The following PLEKHG4B variants were observed in gnomAD, a reference collection of about 807,000 sequenced individuals.
The protein encoded by PLEKHG4B is pleckstrin homology and RhoGEF domain containing G4B, also known as pleckstrin homology domain-containing family G member 4B.
Under a neutral mutation model 121.3 loss-of-function variants are expected in PLEKHG4B, and 111 were observed. That is an observed-to-expected ratio of 0.92 (90% CI 0.78 to 1.07). The LOEUF (loss-of-function observed/expected upper bound fraction) is 1.07. PLEKHG4B is among the 50% of genes least tolerant of loss of function. PLEKHG4B has a pLI of 0.00. For synonymous variants in PLEKHG4B, 738 were observed against 725.0 expected (o/e 1.02, Z -0.29); for missense variants, 1,831 against 1,757.8 (o/e 1.04, Z -0.74).
Position 171,244 on chromosome 5 carries a change from G to C in PLEKHG4B, c.3850G>C (p.Asp1284His). The C allele has an allele frequency of 6.2e-7, 1 of 1,607,708 alleles. No homozygotes were observed. Among genetic ancestry groups the C allele is most frequent in the Non-Finnish European group, 8.5e-7 (1 of 1,176,372 alleles). ...GCAGCGGGAGCTAGGTGACAAAATG[G>C]ACCTGGCCTCCTACCTGCTGCGGCC... The part of the protein sequence containing the change: ...DKQRELGDKM[D>H]LASYLLRPVQ... Residue 1284 changes from aspartate to histidine, a missense_variant, in exon 16 of 20, where the codon GAC becomes CAC. Physicochemically the swap from Asp to His is moderately conservative, Grantham distance 81. Coordinates refer to ENST00000637938, the MANE Select transcript of PLEKHG4B (RefSeq NM_052909.5).
intron 5 of PLEKHG4B, chr5:144,222 A>T (rs1242180488): frequency 6.6e-6 from 1 of 152,484 alleles, no homozygotes; most frequent in Non-Finnish European, 1.5e-5. Flanking sequence ...TGTAAAATGA[A>T]TATATCAACT....
intron 11 of PLEKHG4B, 24 bp from the exon 12 acceptor site, chr5:161,759 T>G (rs1455756968): frequency 6.2e-7 from 1 of 1,613,244 alleles, no homozygotes; most frequent in Non-Finnish European, 8.5e-7. Flanking sequence ...GGGCTTGTAC[T>G]GATGCTTTGT....
Position 155,390 on chromosome 5 carries a change from C to T in PLEKHG4B, c.2155C>T (p.Leu719=), listed in dbSNP as rs1287966775. ...AANCEEAIIF[L]QNSFCSLNTH... Reference sequence around the variant, plus strand: ...AAACTGTGAAGAAGCCATCATTTTCCTACAGAATTCATTCTGCTCCCTGAA... The same window carrying T: ...AAACTGTGAAGAAGCCATCATTTTCTTACAGAATTCATTCTGCTCCCTGAA... The change falls in exon 9 of 20, where the codon CTA becomes TTA. Residue 719 remains leucine (L), a synonymous_variant. Transcript: ENST00000637938. 6.2e-7 allele frequency: 1 copy of T among 1,614,238 alleles called. No homozygotes were observed. Among genetic ancestry groups the T allele is most frequent in the Non-Finnish European group, 8.5e-7 (1 of 1,180,044 alleles).
rs2126426745 is a variant in PLEKHG4B at position 156,850 on chromosome 5, A to G, written c.2426A>G (p.Asn809Ser). ...CACAGGCTGGTCCTCACCTCGAACA[A>G]TCGTCTCCAGCAGCTGGAGCACCTC... ...EVHRLVLTSN[N>S]RLQQLEHLRE... Residue 809 changes from asparagine to serine, a missense_variant, in exon 11 of 20, where the codon AAT (asparagine) becomes AGT (serine). Asn to Ser is a conservative substitution (Grantham distance 46). Transcript: ENST00000637938. This position sits in a 1 kb window ranked among gnomAD's most constrained non-coding sequence, Gnocchi z 4.4. 1 of 1,606,664 alleles carries G rather than the reference A, an allele frequency of 6.2e-7. No homozygotes were observed. The highest frequency in any genetic ancestry group is 1.3e-5 in the African/African-American group (1 of 74,852).
At chr5:134,963 G>T (rs1374337187) in intron 2 of PLEKHG4B, among the ~76,000 whole-genome samples, 1 of 151,902 alleles carries the variant, frequency 6.6e-6, no homozygotes, top group Non-Finnish European at 1.5e-5. Flanking sequence ...GCCAAGGCAG[G>T]CGGATCACCA....
At chr5:160,832 G>A in intron 11 of PLEKHG4B, among the ~76,000 whole-genome samples, 1 of 152,164 alleles carries the variant, frequency 6.6e-6, no homozygotes, top group Non-Finnish European at 1.5e-5. Flanking sequence ...CCCCCACTCT[G>A]CTCTGCCGAA....
chr5:135,443 A>G (rs548985276), intron 2 of PLEKHG4B, among the ~76,000 whole-genome samples: 1 of 150,006 alleles, frequency 6.7e-6, no homozygotes, highest in South Asian at 2.1e-4. Context: ...GAGGTGGCGG[A>G]TCATGAGGTC....
intron 14 of PLEKHG4B, among the ~76,000 whole-genome samples, chr5:170,389 G>A (rs1367417370): frequency 6.6e-6 from 1 of 151,772 alleles, no homozygotes; most frequent in Non-Finnish European, 1.5e-5. Context: ...AGCAGACTCC[G>A]CCTCCCGAGT....
At chr5:119,272 C>T (rs1049602038) in intron 2 of PLEKHG4B, among the ~76,000 whole-genome samples, 1 of 152,114 alleles carries the variant, frequency 6.6e-6, no homozygotes, top group Admixed American at 6.5e-5. Flanking sequence ...AAATCAACAA[C>T]AAGAAACCCT....
chr5:142,846 G>A (rs537448814), intron 3 of PLEKHG4B, among the ~76,000 whole-genome samples: 1 of 152,150 alleles, frequency 6.6e-6, no homozygotes, highest in African/African-American at 2.4e-5. Flanking sequence ...CCGTGATGAC[G>A]CCGCGTGTCC....
intron 1 of PLEKHG4B, among the ~76,000 whole-genome samples, chr5:94,760 T>G (rs1372826882): frequency 6.6e-6 from 1 of 152,004 alleles, no homozygotes; most frequent in Non-Finnish European, 1.5e-5. Context: ...GACCCCGATC[T>G]TTTGTCCAAA....
In PLEKHG4B at chr5:156,603, C is replaced by T. The variant is rs1579299387; in HGVS notation, c.2349-170C>T. On this transcript the variant is annotated intron_variant, in intron 10 of 19. Coordinates refer to ENST00000637938, the MANE Select transcript of PLEKHG4B (RefSeq NM_052909.5). The surrounding 1 kb of genome is among the most constrained non-coding windows in gnomAD (Gnocchi z 4.4). The stretch of plus-strand genomic sequence containing the variant: ...CAGGCCGGCCAGGATGTTGGCAGAA[C>T]GCATGGAGCACATCTGTGCCCCGCC... Among the ~76,000 whole-genome samples, 1 of 152,034 alleles carries T rather than the reference C, an allele frequency of 6.6e-6. No individual in the cohort carries two copies. The highest frequency in any genetic ancestry group is 1.9e-4 in the East Asian group (1 of 5,130).
chr5:110,287 T>C (rs1341636382), intron 1 of PLEKHG4B, among the ~76,000 whole-genome samples: 1,001 of 64,820 alleles, frequency 0.015, no homozygotes, highest in Middle Eastern at 0.028. Flanking sequence ...CACACATGCA[T>C]ACACCCACAC....
chr5:143,015 C>A (rs1254686458), intron 3 of PLEKHG4B, 32 bp from the exon 4 acceptor site: 1 of 1,597,652 alleles, frequency 6.3e-7, no homozygotes, highest in Non-Finnish European at 8.6e-7. Flanking sequence ...GGAAAACCTT[C>A]ATCTTTGACA....
intron 14 of PLEKHG4B, among the ~76,000 whole-genome samples, chr5:170,459 G>A (rs1418757510): frequency 6.6e-6 from 1 of 151,954 alleles, no homozygotes; most frequent in Non-Finnish European, 1.5e-5. Context: ...CCGCCACCAC[G>A]CCCGGCTAAT....
intron 2 of PLEKHG4B, among the ~76,000 whole-genome samples, chr5:119,690 A>C (rs1734411999): frequency 6.6e-6 from 1 of 152,210 alleles, no homozygotes; most frequent in African/African-American, 2.4e-5. Flanking sequence ...AAATAACAGA[A>C]GCCACTGTCA....
chr5:171,489 T>G lies in PLEKHG4B; in HGVS notation c.4050+45T>G, dbSNP rs763084441. The G allele has an allele frequency of 1.3e-5, 19 of 1,498,068 alleles. No homozygotes were observed. In the Admixed American group the frequency reaches 3.6e-4, roughly 29 times the overall value. The allele number at this position is 1,498,068 out of a possible 1,614,324, so 92.8% of individuals were successfully genotyped here. A position where few individuals can be genotyped will look rare whatever the true frequency, so the allele number is the denominator to read the frequency against. ...GCAGCTCAGGCAAGCTGGGGGAATT[T>G]GAGGCTGCTGGTGAGAAAGTCTTGG... On this transcript the variant is annotated intron_variant, in intron 16 of 19. Transcript: ENST00000637938.
Position 140,408 on chromosome 5 carries a change from CT to C in PLEKHG4B, c.1170del (p.Ala392GlnfsTer2). 6.4e-7 allele frequency: 1 copy of C among 1,555,138 alleles called. No homozygotes were observed. Among genetic ancestry groups the C allele is most frequent in the Non-Finnish European group, 8.7e-7 (1 of 1,150,300 alleles). On this transcript the variant is annotated frameshift_variant, in exon 3 of 20. Transcript: ENST00000637938. LOFTEE classifies it high-confidence loss of function. ...ACTGGAGCCAGCAGGGACCTGGGGA[CT>C]GGGGCAGTAGCCAGTGGGACCCAGG... The part of the protein sequence containing the change: ...SLTGASRDLG[T>X]GAVASGTQEE...
rs183804311 is a variant in PLEKHG4B at position 135,922 on chromosome 5, G to A, written c.244-3561G>A. 1.4e-3 allele frequency among the ~76,000 whole-genome samples: 206 copies of A among 151,558 alleles called. 1 individual carries two copies. The highest frequency in any genetic ancestry group is 1.5e-3 in the Non-Finnish European group (99 of 67,914). Reference sequence around the variant, plus strand: ...TCACACTTCCTGATTTTAAAACTTAGTACAAAACTACAGTAATCAAAGCAG... The same window carrying A: ...TCACACTTCCTGATTTTAAAACTTAATACAAAACTACAGTAATCAAAGCAG... On this transcript the variant is annotated intron_variant, in intron 2 of 19. Transcript: ENST00000637938.
Sources: gnomAD v4.1 joint callset for allele counts (sites outside exome capture counted in the v4.1 genomes callset) on GRCh38, gnomAD v4.1.1 for gene constraint, Gnocchi (gnomAD v3.1) non-coding constraint, MANE v1.5 for transcripts, NCBI Gene and HGNC (gene_info 2026-07-23, HGNC 2026-07-21) for gene names.